The following AOAH variants were observed in gnomAD, a reference collection of about 807,000 sequenced individuals.
The protein encoded by AOAH is acyloxyacyl hydrolase.
In AOAH, 64 loss-of-function variants were observed where a neutral mutation model predicts 92.2. The observed-to-expected ratio is 0.69, with a 90% CI of 0.57 to 0.86. The LOEUF is 0.86. Among genes scored for constraint, AOAH ranks in the 40% least tolerant of loss-of-function variants. AOAH has a pLI of 0.00. For synonymous variants in AOAH, 263 were observed against 254.5 expected, an observed-to-expected ratio of 1.03 and a Z score of -0.32; for missense variants, 656 against 694.6, an observed-to-expected ratio of 0.94 and a Z score of 0.62.
At chr7:36,587,719 G>A (rs1789447621) in intron 12 of AOAH, among the ~76,000 whole-genome samples, 1 of 152,154 alleles carries the variant, frequency 6.6e-6, no homozygotes, top group Non-Finnish European at 1.5e-5. Flanking sequence ...ACTAGCAGAT[G>A]CAAAGTTTTC....
intron 4 of AOAH, among the ~76,000 whole-genome samples, chr7:36,641,944 A>G (rs542615801): frequency 5.9e-5 from 9 of 152,212 alleles, no homozygotes; most frequent in Non-Finnish European, 1.3e-4. Context: ...TCACTAAAAC[A>G]CTTCTGTCTA....
At position 36,631,569 on chromosome 7, in the gene AOAH, T is replaced by C. The variant is rs866860241; in HGVS notation, c.521+467A>G. Reference sequence around the variant, plus strand: ...CTCTGCATTCACAACCCTATTCCTATGTATCTGAGCCAGATTTTTCATGTA... The same window carrying C: ...CTCTGCATTCACAACCCTATTCCTACGTATCTGAGCCAGATTTTTCATGTA... On this transcript the variant is annotated intron_variant, in intron 6 of 20. Coordinates refer to ENST00000617537, the MANE Select transcript of AOAH (RefSeq NM_001637.4). Among the ~76,000 whole-genome samples, 7 of 152,330 alleles carry C rather than the reference T, an allele frequency of 4.6e-5. No individual in the cohort carries two copies. In the South Asian group the frequency reaches 6.2e-4, roughly 14 times the overall value.
chr7:36,621,807 G>C (rs747649442), intron 7 of AOAH, 27 bp from the exon 8 acceptor site: 1 of 1,608,920 alleles, frequency 6.2e-7, no homozygotes, highest in Non-Finnish European at 8.5e-7. Context: ...CACACAGGAG[G>C]GGTTCAGCCT....
At position 36,708,822 on chromosome 7, in the gene AOAH, A is replaced by AATG. The variant is rs149851356; in HGVS notation, c.127+15199_127+15200insCAT. On this transcript the variant is annotated intron_variant, in intron 1 of 20. Transcript: ENST00000617537. The stretch of plus-strand genomic sequence containing the variant: ...CTAAGGATCACTCCTGTGTCTACAT[A>AATG]GCTTAGAGTCATCGAGCAACTTTTG... 2.2e-3 allele frequency among the ~76,000 whole-genome samples: 338 copies of AATG among 152,270 alleles called. 3 individuals are homozygous for AATG. Among genetic ancestry groups the AATG allele is most frequent in the African/African-American group, 7.9e-3 (328 of 41,554 alleles).
intron 13 of AOAH, among the ~76,000 whole-genome samples, chr7:36,551,677 C>T (rs1786272471): frequency 6.6e-6 from 1 of 152,138 alleles, no homozygotes. Flanking sequence ...TCATTCATAA[C>T]ACATTTTGTT....
intron 20 of AOAH, among the ~76,000 whole-genome samples, chr7:36,515,526 ACC>A (rs1491205530): frequency 4.3e-5 from 4 of 94,026 alleles, no homozygotes; most frequent in Admixed American, 1.2e-4. Context: ...CACCACACAC[ACC>A]ACACCCTTCA....
At chr7:36,709,826 A>T (rs1288975641) in intron 1 of AOAH, among the ~76,000 whole-genome samples, 1 of 152,326 alleles carries the variant, frequency 6.6e-6, no homozygotes, top group East Asian at 1.9e-4. Flanking sequence ...TCCATGAGAA[A>T]AAGCTTGCAT....
intron 1 of AOAH, 27 bp from the exon 2 acceptor site, chr7:36,686,821 T>C (rs1797048559): frequency 6.8e-7 from 1 of 1,466,248 alleles, no homozygotes; most frequent in Non-Finnish European, 9.2e-7. Flanking sequence ...GAACATGTAA[T>C]CTGTGTCACA....
At chr7:36,618,663 C>T (rs1465913140) in intron 9 of AOAH, among the ~76,000 whole-genome samples, 1 of 152,204 alleles carries the variant, frequency 6.6e-6, no homozygotes, top group Non-Finnish European at 1.5e-5. Context: ...TGACTGGACA[C>T]AGGGTCTGGG....
intron 3 of AOAH, among the ~76,000 whole-genome samples, chr7:36,671,244 A>C (rs1426589362): frequency 1.3e-5 from 2 of 152,138 alleles, no homozygotes; most frequent in African/African-American, 2.4e-5. Context: ...TATTAATTCA[A>C]CAAACACTTA....
At chr7:36,706,138 A>G (rs2116926181) in intron 1 of AOAH, among the ~76,000 whole-genome samples, 1 of 152,328 alleles carries the variant, frequency 6.6e-6, no homozygotes, top group Admixed American at 6.5e-5. Flanking sequence ...AACAAAAGCC[A>G]AAACTGACAC....
chr7:36,577,179 C>T (rs191670870), intron 12 of AOAH, among the ~76,000 whole-genome samples: 464 of 152,200 alleles, frequency 3.0e-3, no homozygotes, highest in African/African-American at 5.9e-3. Context: ...ATGAGGATTG[C>T]GTTTTCCAGC....
intron 15 of AOAH, among the ~76,000 whole-genome samples, chr7:36,545,608 G>A (rs1785755545): frequency 6.6e-6 from 1 of 152,120 alleles, no homozygotes; most frequent in Non-Finnish European, 1.5e-5. Context: ...CTGTGTGGGT[G>A]GTTCTGGCTC....
At chr7:36,629,896 G>A (rs924309809) in intron 6 of AOAH, among the ~76,000 whole-genome samples, 2 of 152,194 alleles carry the variant, frequency 1.3e-5, no homozygotes, top group South Asian at 2.1e-4. Flanking sequence ...TGGTATCTGC[G>A]AATGTGACCT....
chr7:36,533,475 C>T (rs1698344936), intron 16 of AOAH, among the ~76,000 whole-genome samples: 1 of 152,022 alleles, frequency 6.6e-6, no homozygotes, highest in African/African-American at 2.4e-5. Flanking sequence ...ACAGGAAAGC[C>T]ACAGGCTCAT....
At chr7:36,593,370 T>G (rs963943185) in intron 12 of AOAH, among the ~76,000 whole-genome samples, 2 of 152,266 alleles carry the variant, frequency 1.3e-5, no homozygotes, top group Non-Finnish European at 2.9e-5. Flanking sequence ...CTTGTTAAAA[T>G]GATTAATGTC....
rs1418722034 is a variant in AOAH at position 36,664,944 on chromosome 7, T to A, written c.291-5679A>T. Among the ~76,000 whole-genome samples, 4 of 152,076 alleles carry A rather than the reference T, an allele frequency of 2.6e-5. No individual in the cohort carries two copies. The East Asian group carries it at 7.7e-4, about 29-fold the overall frequency. ...TACCACACTCTTTTCAACAAACAAA[T>A]CTCATGTGAACTCAGAGCACGAAGT... On this transcript the variant is annotated intron_variant, in intron 3 of 20. Transcript: ENST00000617537.
At chr7:36,571,554 C>G (rs1429460203) in intron 13 of AOAH, among the ~76,000 whole-genome samples, 1 of 152,238 alleles carries the variant, frequency 6.6e-6, no homozygotes, top group Non-Finnish European at 1.5e-5. Context: ...TGAGCCCACT[C>G]CCCAGGCTAC....
chr7:36,600,845 T>C (rs925251827), intron 11 of AOAH, among the ~76,000 whole-genome samples: 2 of 152,312 alleles, frequency 1.3e-5, no homozygotes, highest in Admixed American at 1.3e-4. Flanking sequence ...AGTTCTGAAG[T>C]CCACAGATGA....
Sources: allele counts gnomAD v4.1 joint callset (sites outside exome capture counted in the v4.1 genomes callset), GRCh38; gene constraint gnomAD v4.1.1; transcripts MANE v1.5; gene names NCBI Gene and HGNC (gene_info 2026-07-23, HGNC 2026-07-21).